Variants in ADAMTSL1 observed in about 807,000 individuals in gnomAD.
ADAMTSL1 encodes the protein ADAMTS like 1.
In ADAMTSL1, 126 loss-of-function variants were observed where a neutral mutation model predicts 201.8. The observed-to-expected ratio is 0.62, with a 90% CI of 0.54 to 0.72. The LOEUF (loss-of-function observed/expected upper bound fraction) is 0.72. Among genes scored for constraint, ADAMTSL1 ranks in the 30% least tolerant of loss-of-function variants. The probability of loss-of-function intolerance (pLI) is 0.00; values close to 1 mark genes in which losing one functional copy is unlikely to be tolerated. For missense variants in ADAMTSL1, 2,679 were observed against 2,277.8 expected (o/e 1.18, Z -3.59); for synonymous variants, 1,121 against 903.4 (o/e 1.24, Z -4.32).
intron 20 of ADAMTSL1, among the ~76,000 whole-genome samples, chr9:18,812,676 G>T (rs1823576274): frequency 6.6e-6 from 1 of 152,046 alleles, no homozygotes; most frequent in Admixed American, 6.6e-5. Flanking sequence ...ATCATTTTGG[G>T]TCTTACATTT....
intron 2 of ADAMTSL1, among the ~76,000 whole-genome samples, chr9:18,304,558 G>A (rs141001775): frequency 3.8e-4 from 58 of 151,710 alleles, no homozygotes; most frequent in Non-Finnish European, 6.5e-4. Flanking sequence ...ATATATAAGC[G>A]TGTTATTTAC....
intron 26 of ADAMTSL1, among the ~76,000 whole-genome samples, chr9:18,898,867 A>C (rs1352426234): frequency 6.6e-6 from 1 of 152,240 alleles, no homozygotes; most frequent in Non-Finnish European, 1.5e-5. Context: ...AAAAGCTGAG[A>C]GCATTCCCCT....
chr9:18,581,007 G>A (rs1462709809), intron 4 of ADAMTSL1, among the ~76,000 whole-genome samples: 3 of 151,174 alleles, frequency 2.0e-5, no homozygotes, highest in Non-Finnish European at 4.4e-5. Context: ...TCCTTTACAT[G>A]GTGGCTTAAA....
chr9:18,872,486 C>T (rs868191805), intron 23 of ADAMTSL1, among the ~76,000 whole-genome samples: 46 of 152,276 alleles, frequency 3.0e-4, no homozygotes, highest in African/African-American at 1.0e-3. Context: ...CCATCACCCA[C>T]CTCCCATGCT....
chr9:18,431,341 T>C (rs925510787), intron 2 of ADAMTSL1, among the ~76,000 whole-genome samples: 1 of 152,218 alleles, frequency 6.6e-6, no homozygotes, highest in Non-Finnish European at 1.5e-5. Context: ...TATCCCATTA[T>C]TGGAAGAAAC....
At chr9:18,620,611 A>G (rs753876984) in intron 4 of ADAMTSL1, among the ~76,000 whole-genome samples, 2 of 152,220 alleles carry the variant, frequency 1.3e-5, no homozygotes, top group Non-Finnish European at 2.9e-5. Context: ...ACACCAAAGA[A>G]GTCTTAAGCC....
chr9:18,489,071 G>A (rs150400070), intron 1 of ADAMTSL1, among the ~76,000 whole-genome samples: 259 of 152,214 alleles, frequency 1.7e-3, no homozygotes, highest in South Asian at 3.7e-3. Context: ...CTCCATCCCC[G>A]CAAGAGATTC....
chr9:18,239,711 G>A lies in ADAMTSL1; in HGVS notation c.207+75730G>A, dbSNP rs549676395. 4.6e-5 allele frequency among the ~76,000 whole-genome samples: 7 copies of A among 152,040 alleles called. No individual in the cohort carries two copies. In the East Asian group the frequency reaches 9.7e-4, roughly 21 times the overall value. On this transcript the variant is annotated intron_variant, in intron 2 of 29. Coordinates refer to the ADAMTSL1 transcript ENST00000680146. ...TGCAGTGAGCTGAGATCATGCCACC[G>A]CACTCCAGCCTGGGTGTCAGAGTAA...
chr9:17,979,047 C>G lies in ADAMTSL1; in HGVS notation c.87+72125C>G, dbSNP rs563001242. Among the ~76,000 whole-genome samples the G allele has an allele frequency of 6.6e-5, 10 of 151,606 alleles. No individual in the cohort carries two copies. The East Asian group carries it at 1.9e-3, about 30-fold the overall frequency. ...TTCTGCTCAGACATATGCTGATGGT[C>G]TTATTGGTGGTGTCTATGCGTGTGA... is the stretch of plus-strand genomic sequence containing the variant. On this transcript the variant is annotated intron_variant, in intron 1 of 29. Transcript: ENST00000680146.
chr9:18,251,914 T>C (rs1831478243), intron 2 of ADAMTSL1, among the ~76,000 whole-genome samples: 1 of 152,124 alleles, frequency 6.6e-6, no homozygotes, highest in South Asian at 2.1e-4. Flanking sequence ...GCTGACATAA[T>C]GACTATCCAA....
At position 18,331,485 on chromosome 9, in the gene ADAMTSL1, A is replaced by G. The variant is rs1835024654; in HGVS notation, c.207+167504A>G. On this transcript the variant is annotated intron_variant, in intron 2 of 29. Coordinates refer to the ADAMTSL1 transcript ENST00000680146. ...AATTCAGTCTGAATGAACAATAGTA[A>G]TTAGTCCTGAACTATGCCTTGCTGT... Among the ~76,000 whole-genome samples the G allele has an allele frequency of 4.6e-5, 7 of 152,160 alleles. 1 individual carries two copies. In the South Asian group the frequency reaches 1.5e-3, roughly 32 times the overall value.
intron 3 of ADAMTSL1, among the ~76,000 whole-genome samples, chr9:18,568,138 T>A (rs1822057964): frequency 6.6e-6 from 1 of 152,176 alleles, no homozygotes; most frequent in Admixed American, 6.5e-5. Context: ...GGGGGACTAC[T>A]GTATATAAGT....
intron 2 of ADAMTSL1, among the ~76,000 whole-genome samples, chr9:18,166,944 C>A (rs559676494): frequency 6.6e-6 from 1 of 151,876 alleles, no homozygotes; most frequent in South Asian, 2.1e-4. Flanking sequence ...TTTTGCATTG[C>A]GTTAGAAAAA....
At chr9:17,915,410 G>A (rs939901719) in intron 1 of ADAMTSL1, among the ~76,000 whole-genome samples, 1 of 152,084 alleles carries the variant, frequency 6.6e-6, no homozygotes. Context: ...TTTTATTCCT[G>A]AGTAGTATTG....
intron 1 of ADAMTSL1, among the ~76,000 whole-genome samples, chr9:18,497,106 A>G (rs1461762248): frequency 6.6e-6 from 1 of 152,182 alleles, no homozygotes; most frequent in Non-Finnish European, 1.5e-5. Context: ...TATAGGAAAA[A>G]GAAGAAAACA....
chr9:18,892,546 G>T lies in ADAMTSL1; in HGVS notation c.4801G>T (p.Ala1601Ser). The change falls in exon 26 of 29, where the codon GCC becomes TCC. Residue 1601 changes from alanine (A) to serine (S), a missense_variant. Ala to Ser is a moderately conservative substitution (Grantham distance 99, BLOSUM62 1). Coordinates refer to ENST00000380548, the MANE Select transcript of ADAMTSL1 (RefSeq NM_001040272.6). ...CGCCAAGCGGCCTGTGGACACCCAGGCCTGTAACCAGCAGCTGTGTGTGGA... is the reference window on the plus strand; with the variant it reads ...CGCCAAGCGGCCTGTGGACACCCAGTCCTGTAACCAGCAGCTGTGTGTGGA... ...QVAKRPVDTQ[A>S]CNQQLCVEWA... 1 of 1,581,984 alleles carries T rather than the reference G, an allele frequency of 6.3e-7. No individual in the cohort carries two copies. Among genetic ancestry groups the T allele is most frequent in the Non-Finnish European group, 8.6e-7 (1 of 1,163,872 alleles).
intron 2 of ADAMTSL1, among the ~76,000 whole-genome samples, chr9:18,313,298 A>T (rs1302817551): frequency 6.6e-6 from 1 of 152,224 alleles, no homozygotes; most frequent in Non-Finnish European, 1.5e-5. Flanking sequence ...TCAGGGGAAG[A>T]GTCCTTAGGT....
At chr9:18,019,549 G>T (rs1442553471) in intron 1 of ADAMTSL1, among the ~76,000 whole-genome samples, 3 of 152,026 alleles carry the variant, frequency 2.0e-5, no homozygotes, top group Non-Finnish European at 4.4e-5. Flanking sequence ...TCTCAGTAGG[G>T]CCTCTAAGAA....
intron 23 of ADAMTSL1, among the ~76,000 whole-genome samples, chr9:18,881,358 T>C (rs990924479): frequency 2.0e-5 from 3 of 152,216 alleles, no homozygotes; most frequent in African/African-American, 7.2e-5. Flanking sequence ...TTTTTCTTTG[T>C]CTTGAACACT....
Sources: allele counts gnomAD v4.1 joint callset (sites outside exome capture counted in the v4.1 genomes callset), GRCh38; gene constraint gnomAD v4.1.1; transcripts MANE v1.5; gene names NCBI Gene and HGNC (gene_info 2026-07-23, HGNC 2026-07-21).